TFEC: variants seen among roughly 807,000 people sequenced by gnomAD.
The protein encoded by TFEC is class E basic helix-loop-helix protein 34.
A neutral mutation model predicts 41.6 loss-of-function variants in TFEC; 31 were observed. The observed-to-expected ratio is 0.74, with a 90% confidence interval of 0.56 to 1.01. The LOEUF is 1.01. TFEC is among the 50% of genes least tolerant of loss of function. The pLI, the probability that TFEC is intolerant of heterozygous loss-of-function variation, is 0.00. For missense variants in TFEC, 402 were observed against 404.1 expected, an observed-to-expected ratio of 0.99 and a Z score of 0.04; for synonymous variants, 143 against 140.6, an observed-to-expected ratio of 1.02 and a Z score of -0.12.
At chr7:116,002,255 C>T (rs918907688) in intron 1 of TFEC, among the ~76,000 whole-genome samples, 15 of 152,124 alleles carry the variant, frequency 9.9e-5, no homozygotes, top group African/African-American at 3.4e-4. Flanking sequence ...ATCACACTAG[C>T]TAAGATTTGG....
chr7:115,988,523 C>A (rs1793959016), intron 1 of TFEC, among the ~76,000 whole-genome samples: 2 of 150,606 alleles, frequency 1.3e-5, no homozygotes, highest in African/African-American at 2.4e-5. Context: ...AACTGAAAAG[C>A]AAAAAGAAAA....
chr7:115,942,810 T>G (rs2130208256), intron 6 of TFEC, among the ~76,000 whole-genome samples: 1 of 152,178 alleles, frequency 6.6e-6, no homozygotes, highest in East Asian at 1.9e-4. Flanking sequence ...AAGAGGCTAC[T>G]GATTTTGATA....
chr7:116,154,817 G>A (rs1017740038), intron 1 of TFEC, among the ~76,000 whole-genome samples: 2 of 152,154 alleles, frequency 1.3e-5, no homozygotes, highest in Non-Finnish European at 2.9e-5. Flanking sequence ...AGATTAGAGG[G>A]TAGTAGGAGG....
intron 1 of TFEC, among the ~76,000 whole-genome samples, chr7:115,991,617 A>T (rs572056892): frequency 1.3e-5 from 2 of 152,352 alleles, no homozygotes; most frequent in South Asian, 2.1e-4. Flanking sequence ...AAAGATCAAA[A>T]GAGACAAAGA....
chr7:116,090,077 T>G (rs564182428), intron 3 of TFEC, among the ~76,000 whole-genome samples: 2 of 152,172 alleles, frequency 1.3e-5, no homozygotes, highest in Non-Finnish European at 2.9e-5. Flanking sequence ...TAACTTTCCA[T>G]GCCTAAGTAA....
At chr7:115,972,837 T>C (rs1215129863) in intron 3 of TFEC, among the ~76,000 whole-genome samples, 1 of 152,026 alleles carries the variant, frequency 6.6e-6, no homozygotes, top group East Asian at 1.9e-4. Context: ...TGACAGAGAA[T>C]GTTTCAGTAT....
intron 1 of TFEC, among the ~76,000 whole-genome samples, chr7:116,021,111 G>C (rs1453755563): frequency 6.6e-6 from 1 of 152,042 alleles, no homozygotes; most frequent in African/African-American, 2.4e-5. Flanking sequence ...ATTTTCTAAA[G>C]GAACATAAGA....
At position 115,959,103 on chromosome 7, in the gene TFEC, G is replaced by T. The variant is rs1284866227; in HGVS notation, c.268-2310C>A. ...GGCAAATGAATACCTATTTTATGAA[G>T]AAATATTTATTATGATATTTTTAAA... On this transcript the variant is annotated intron_variant, in intron 3 of 7. Coordinates refer to ENST00000265440, the MANE Select transcript of TFEC (RefSeq NM_012252.4). Among the ~76,000 whole-genome samples the T allele has an allele frequency of 1.6e-4, 25 of 151,666 alleles. No individual in the cohort carries two copies. In the Admixed American group the frequency reaches 1.7e-3, roughly 10 times the overall value.
intron 3 of TFEC, among the ~76,000 whole-genome samples, chr7:116,065,398 G>A (rs1796671209): frequency 6.6e-6 from 1 of 152,026 alleles, no homozygotes; most frequent in Non-Finnish European, 1.5e-5. Context: ...TGCTTACATG[G>A]TATAATAATG....
chr7:116,090,974 G>T (rs1797313567), intron 3 of TFEC, among the ~76,000 whole-genome samples: 2 of 151,936 alleles, frequency 1.3e-5, no homozygotes, highest in Non-Finnish European at 2.9e-5. Context: ...CGGGGGTGGG[G>T]GGCAAGGGGA....
At chr7:116,156,840 C>T (rs1235414341) in intron 1 of TFEC, among the ~76,000 whole-genome samples, 3 of 152,154 alleles carry the variant, frequency 2.0e-5, no homozygotes, top group South Asian at 2.1e-4. Context: ...ACTAAATGGC[C>T]ATTAACATAC....
intron 3 of TFEC, among the ~76,000 whole-genome samples, chr7:116,094,475 T>C (rs1030195512): frequency 6.6e-6 from 1 of 151,246 alleles, no homozygotes; most frequent in Non-Finnish European, 1.5e-5. Flanking sequence ...GGTCAGGAGA[T>C]CGAGACCATC....
Position 115,974,406 on chromosome 7 carries a change from T to TTA in TFEC, c.181-152_181-151dup, listed in dbSNP as rs572119521. ...TATACATATATATAAAACCTCAATA[T>TTA]TATATATATATATATATATATATAT... On this transcript the variant is annotated intron_variant, in intron 2 of 7. Transcript: ENST00000265440. The TTA allele has an allele frequency of 6.0e-3, 389 of 64,938 alleles. 2 individuals are homozygous for TTA. The highest frequency in any genetic ancestry group is 9.8e-3 in the South Asian group (13 of 1,324). 4.0% of individuals were successfully genotyped at this position (64,938 alleles called of 1,614,324 possible).
intron 1 of TFEC, among the ~76,000 whole-genome samples, chr7:116,026,768 G>T (rs149301223): frequency 1.9e-4 from 29 of 152,202 alleles, no homozygotes; most frequent in Non-Finnish European, 4.3e-4. Context: ...AGTAAAGAAG[G>T]TTGAATATGT....
At chr7:116,046,449 T>A (rs1796166887) in intron 3 of TFEC, among the ~76,000 whole-genome samples, 1 of 152,178 alleles carries the variant, frequency 6.6e-6, no homozygotes, top group Non-Finnish European at 1.5e-5. Flanking sequence ...TCATTTTATC[T>A]CTTGCTGCGT....
At chr7:116,058,096 TG>T (rs1023973424) in intron 3 of TFEC, among the ~76,000 whole-genome samples, 5 of 151,886 alleles carry the variant, frequency 3.3e-5, no homozygotes, top group African/African-American at 1.2e-4. Context: ...ATTGTTAGAT[TG>T]TATTTTTTTA....
At chr7:115,971,508 G>GA (rs560571810) in intron 3 of TFEC, among the ~76,000 whole-genome samples, 6 of 150,836 alleles carry the variant, frequency 4.0e-5, no homozygotes, top group African/African-American at 7.3e-5. Flanking sequence ...CTTTTGGGGG[G>GA]AAAAAAAAGG....
chr7:116,058,329 G>T (rs145669545), intron 3 of TFEC, among the ~76,000 whole-genome samples: 1 of 150,342 alleles, frequency 6.7e-6, no homozygotes, highest in East Asian at 2.0e-4. Flanking sequence ...TATTTAGAGA[G>T]CATACAATCA....
rs772338651 is a variant in TFEC at position 115,956,661 on chromosome 7, C to T, written c.382+18G>A. The T allele has an allele frequency of 1.0e-5, 16 of 1,564,292 alleles. No homozygotes were observed. In the South Asian group the frequency reaches 1.6e-4, roughly 16 times the overall value. ...ATTAATAAAAATAAAAAGGGTAAAA[C>T]TATAAAAGCAACATTACCTGTAATT... On this transcript the variant is annotated intron_variant, in intron 4 of 7. Transcript: ENST00000265440.
Sources: allele counts gnomAD v4.1 joint callset (sites outside exome capture counted in the v4.1 genomes callset), GRCh38; gene constraint gnomAD v4.1.1; transcripts MANE v1.5; gene names NCBI Gene and HGNC (gene_info 2026-07-23, HGNC 2026-07-21).